The following TENM2 variants were observed in gnomAD, a reference collection of about 807,000 sequenced individuals.
TENM2 encodes teneurin transmembrane protein 2.
In TENM2, 52 loss-of-function variants were observed where a neutral mutation model predicts 245.2. The ratio of observed to expected loss-of-function variants is 0.21; its 90% CI spans 0.17 to 0.27. The LOEUF (loss-of-function observed/expected upper bound fraction) is 0.27, where lower values mean the gene tolerates loss of function less well. Ranked by LOEUF, TENM2 falls within the 10% of genes least tolerant of loss-of-function variation. The pLI is 1.00. For missense variants in TENM2, 3,046 were observed against 3,666.8 expected, an observed-to-expected ratio of 0.83 and a Z score of 4.37; for synonymous variants, 1,363 against 1,438.9, an observed-to-expected ratio of 0.95 and a Z score of 1.19.
At chr5:167,257,865 G>A in the TENM2 span, among the ~76,000 whole-genome samples, 1 of 151,926 alleles carries the variant, frequency 6.6e-6, no homozygotes, top group African/African-American at 2.4e-5. Flanking sequence ...GTCCAAAGAA[G>A]GACAATAGTC....
At chr5:167,963,088 G>A (rs1781133976) in intron 4 of TENM2, among the ~76,000 whole-genome samples, 1 of 152,160 alleles carries the variant, frequency 6.6e-6, no homozygotes, top group Non-Finnish European at 1.5e-5. Flanking sequence ...AGTAATGGAA[G>A]TCTAAAAGTT....
chr5:167,693,170 T>C (rs1035883202), intron 2 of TENM2, among the ~76,000 whole-genome samples: 15 of 152,156 alleles, frequency 9.9e-5, no homozygotes, highest in African/African-American at 3.6e-4. Flanking sequence ...GCTCAATAAA[T>C]GCAAATATCA....
intron 5 of TENM2, among the ~76,000 whole-genome samples, chr5:168,020,917 CA>C (rs1786086604): frequency 6.6e-6 from 1 of 151,890 alleles, no homozygotes; most frequent in South Asian, 2.1e-4. Context: ...AAAGTGAAAT[CA>C]AAAAAGCTCT....
intron 9 of TENM2, among the ~76,000 whole-genome samples, chr5:168,109,054 C>G (rs1194890179): frequency 1.3e-5 from 2 of 152,142 alleles, no homozygotes; most frequent in East Asian, 3.9e-4. Context: ...CTTCTACCAC[C>G]CCATCTTGCC....
the TENM2 span, among the ~76,000 whole-genome samples, chr5:167,149,606 C>G: frequency 6.6e-6 from 1 of 152,100 alleles, no homozygotes; most frequent in African/African-American, 2.4e-5. Flanking sequence ...CACATGGCCT[C>G]TCCGTGCCAT....
At chr5:167,404,832 A>T in intron 2 of TENM2, among the ~76,000 whole-genome samples, 1 of 152,264 alleles carries the variant, frequency 6.6e-6, no homozygotes, top group Middle Eastern at 3.4e-3. Context: ...ACAAAATTCA[A>T]TGGTTTCTAG....
chr5:167,385,008 T>C (rs1761334145), intron 2 of TENM2, among the ~76,000 whole-genome samples: 1 of 152,200 alleles, frequency 6.6e-6, no homozygotes, highest in Non-Finnish European at 1.5e-5. Flanking sequence ...TACAGTGCAA[T>C]CTATTCTGCT....
At chr5:167,630,093 G>A (rs970097302) in intron 2 of TENM2, among the ~76,000 whole-genome samples, 1 of 151,312 alleles carries the variant, frequency 6.6e-6, no homozygotes, top group Non-Finnish European at 1.5e-5. Flanking sequence ...TAATTTTATG[G>A]ATAGAATTAT....
chr5:167,600,942 T>C (rs1206275138), intron 2 of TENM2, among the ~76,000 whole-genome samples: 1 of 152,246 alleles, frequency 6.6e-6, no homozygotes. Context: ...GTTCAAATTA[T>C]TTGGCATCGC....
intron 1 of TENM2, among the ~76,000 whole-genome samples, chr5:167,314,338 T>C (rs1007317598): frequency 6.6e-6 from 1 of 152,178 alleles, no homozygotes; most frequent in Admixed American, 6.5e-5. Flanking sequence ...AAGTAGGTTG[T>C]TAATAAAATG....
the TENM2 span, among the ~76,000 whole-genome samples, chr5:167,185,896 T>G: frequency 3.6e-4 from 55 of 152,304 alleles, no homozygotes; most frequent in Non-Finnish European, 8.8e-5. Flanking sequence ...TCCTAAGGTT[T>G]GTACACACGA....
At chr5:167,746,967 A>G (rs1761632827) in intron 2 of TENM2, among the ~76,000 whole-genome samples, 1 of 152,138 alleles carries the variant, frequency 6.6e-6, no homozygotes, top group South Asian at 2.1e-4. Context: ...ATAGTGCAAA[A>G]TGGTGTTCCC....
At chr5:167,130,866 G>T in the TENM2 span, among the ~76,000 whole-genome samples, 7 of 146,576 alleles carry the variant, frequency 4.8e-5, no homozygotes, top group South Asian at 1.5e-3. Context: ...TCTTTCCAGG[G>T]CTTTGCAGCC....
At chr5:167,919,546 A>G (rs886109498) in intron 3 of TENM2, among the ~76,000 whole-genome samples, 2 of 152,220 alleles carry the variant, frequency 1.3e-5, no homozygotes, top group Non-Finnish European at 2.9e-5. Context: ...TTCTAAGTAA[A>G]GGAGAAGAGC....
chr5:167,770,092 A>G (rs746795598), intron 2 of TENM2, among the ~76,000 whole-genome samples: 8 of 152,308 alleles, frequency 5.3e-5, no homozygotes, highest in Non-Finnish European at 8.8e-5. Flanking sequence ...TCAGGATAGC[A>G]CTAATATTTG....
At chr5:168,030,158 CTTTTTTTTTTTTT>C (rs540326142) in intron 5 of TENM2, among the ~76,000 whole-genome samples, 1,587 of 65,300 alleles carry the variant, frequency 0.024, 65 homozygotes, top group African/African-American at 0.1. Context: ...GGTTCTGGCT[CTTTTTTTTTTTTT>C]TTTTTTTTTT....
At chr5:167,065,443 T>C in the TENM2 span, among the ~76,000 whole-genome samples, 1 of 152,170 alleles carries the variant, frequency 6.6e-6, no homozygotes, top group Non-Finnish European at 1.5e-5. Context: ...AAACAGTAAA[T>C]TCCTTTTGAT....
chr5:168,060,485 T>C (rs1052658172), intron 6 of TENM2, among the ~76,000 whole-genome samples: 1 of 152,140 alleles, frequency 6.6e-6, no homozygotes, highest in African/African-American at 2.4e-5. Flanking sequence ...CATCTGAAGG[T>C]CTGAACCACT....
At chr5:168,045,794 A>G (rs1259114240) in intron 5 of TENM2, among the ~76,000 whole-genome samples, 2 of 152,214 alleles carry the variant, frequency 1.3e-5, no homozygotes, top group African/African-American at 2.4e-5. Flanking sequence ...AGCTATCGTT[A>G]TCTTGAAGCC....
Sources: allele counts gnomAD v4.1 joint callset (sites outside exome capture counted in the v4.1 genomes callset), GRCh38; gene constraint gnomAD v4.1.1; transcripts MANE v1.5; gene names NCBI Gene and HGNC (gene_info 2026-07-23, HGNC 2026-07-21).